Variants in MAGI2 observed in about 807,000 individuals in gnomAD.
MAGI2 encodes the protein membrane-associated guanylate kinase, WW and PDZ domain-containing protein 2.
In MAGI2, 35 loss-of-function variants were observed where a neutral mutation model predicts 133.3. The ratio of observed to expected loss-of-function variants is 0.26; its 90% CI spans 0.20 to 0.35. The LOEUF is 0.35. Ranked by LOEUF, MAGI2 falls within the 10% of genes least tolerant of loss-of-function variation. The pLI is 1.00. For synonymous variants in MAGI2, 729 were observed against 710.6 expected (o/e 1.03, Z -0.41); for missense variants, 1,636 against 1,863.4 (o/e 0.88, Z 2.25).
intron 2 of MAGI2, among the ~76,000 whole-genome samples, chr7:78,755,210 C>CT (rs34776006): frequency 3.3e-5 from 5 of 152,086 alleles, no homozygotes; most frequent in Non-Finnish European, 5.9e-5. Flanking sequence ...TCAAGAATAA[C>CT]TTTTTGTAAG....
intron 2 of MAGI2, among the ~76,000 whole-genome samples, chr7:78,678,966 A>G (rs963995324): frequency 6.6e-6 from 1 of 152,186 alleles, no homozygotes; most frequent in African/African-American, 2.4e-5. Context: ...CCAAGTGAGC[A>G]ATTTATCTGA....
At chr7:78,672,056 G>A (rs1321909034) in intron 2 of MAGI2, among the ~76,000 whole-genome samples, 4 of 152,168 alleles carry the variant, frequency 2.6e-5, no homozygotes, top group African/African-American at 9.6e-5. Context: ...TCCCTCTATA[G>A]AAATGTTCAT....
At chr7:78,566,533 T>TA (rs67057557) in intron 3 of MAGI2, among the ~76,000 whole-genome samples, 69,223 of 137,036 alleles carry the variant, frequency 0.51, 17,519 homozygotes, top group East Asian at 0.74. Flanking sequence ...AGACACAGTT[T>TA]AAAAAAAAAA....
intron 4 of MAGI2, among the ~76,000 whole-genome samples, chr7:78,503,275 T>C (rs901258214): frequency 2.6e-5 from 4 of 152,034 alleles, no homozygotes; most frequent in African/African-American, 9.7e-5. Context: ...AGGGCAAAAT[T>C]TGAAAAATTA....
chr7:78,577,774 T>G (rs1802419604), intron 3 of MAGI2, among the ~76,000 whole-genome samples: 1 of 152,112 alleles, frequency 6.6e-6, no homozygotes, highest in Non-Finnish European at 1.5e-5. Flanking sequence ...CCATTCTCAC[T>G]TCTTTTGTGG....
At chr7:78,163,401 A>C in intron 15 of MAGI2, among the ~76,000 whole-genome samples, 1 of 152,088 alleles carries the variant, frequency 6.6e-6, no homozygotes, top group Admixed American at 6.5e-5. Context: ...GGCCTCCCAA[A>C]GTGCTGGGAT....
intron 2 of MAGI2, among the ~76,000 whole-genome samples, chr7:78,686,426 C>G (rs1816323532): frequency 6.6e-6 from 1 of 152,092 alleles, no homozygotes; most frequent in African/African-American, 2.4e-5. Flanking sequence ...TTAATATTAG[C>G]AGGGGAAACC....
chr7:78,989,294 T>G (rs936455684), intron 2 of MAGI2, among the ~76,000 whole-genome samples: 1 of 152,080 alleles, frequency 6.6e-6, no homozygotes, highest in African/African-American at 2.4e-5. Flanking sequence ...ATACTTTTAT[T>G]ACAGAAATAT....
chr7:79,062,046 C>T (rs554204554), intron 1 of MAGI2, among the ~76,000 whole-genome samples: 1 of 152,024 alleles, frequency 6.6e-6, no homozygotes, highest in Admixed American at 6.6e-5. Flanking sequence ...AATGATAAGT[C>T]CTTTCTTCCT....
At chr7:79,278,374 C>A (rs904115304) in intron 1 of MAGI2, among the ~76,000 whole-genome samples, 3 of 152,116 alleles carry the variant, frequency 2.0e-5, no homozygotes, top group African/African-American at 7.2e-5. Context: ...TTATAAATTA[C>A]CCAGTTTCAG....
Position 78,501,709 on chromosome 7 carries a change from C to T in MAGI2, c.833G>A (p.Ser278Asn), listed in dbSNP as rs1215761725. The part of the protein sequence containing the change: ...PSQPYPAPVY[S>N]QPEELKEQMD... The stretch of plus-strand genomic sequence containing the variant: ...CTGCTCCTTCAGCTCCTCAGGCTGA[C>T]TGTACACTGGTGCAGGATAAGGCTG... The change falls in exon 5 of 22, where the codon AGT (serine) becomes AAT (asparagine). Residue 278 changes from serine (S) to asparagine (N), a missense_variant. Physicochemically the swap from Ser to Asn is conservative, Grantham distance 46 (BLOSUM62 1). Around this residue, in one of 5 missense-constraint regions of MAGI2, gnomAD observed 165 missense variants for 128.4 expected, o/e 1.28. Coordinates refer to ENST00000354212, the MANE Select transcript of MAGI2 (RefSeq NM_012301.4). 6.2e-7 allele frequency: 1 copy of T among 1,614,100 alleles called. No individual in the cohort carries two copies. Among genetic ancestry groups the T allele is most frequent in the Non-Finnish European group, 8.5e-7 (1 of 1,180,016 alleles).
At chr7:79,378,947 T>TTA (rs1843579559) in intron 1 of MAGI2, among the ~76,000 whole-genome samples, 1 of 59,202 alleles carries the variant, frequency 1.7e-5, no homozygotes, top group Admixed American at 1.7e-4. Context: ...TATATATATA[T>TTA]ATATATATAT....
At chr7:78,152,019 A>G (rs1341146189) in intron 16 of MAGI2, among the ~76,000 whole-genome samples, 2 of 152,068 alleles carry the variant, frequency 1.3e-5, no homozygotes, top group Admixed American at 6.6e-5. Context: ...CCCTTAAGCA[A>G]CTCACAACTT....
At chr7:78,437,586 C>CA (rs1787170396) in intron 6 of MAGI2, among the ~76,000 whole-genome samples, 1 of 152,082 alleles carries the variant, frequency 6.6e-6, no homozygotes, top group African/African-American at 2.4e-5. Context: ...AGATGGGAGT[C>CA]AAGGGTATAT....
At chr7:79,214,115 TA>T (rs1829750250) in intron 1 of MAGI2, among the ~76,000 whole-genome samples, 1 of 151,878 alleles carries the variant, frequency 6.6e-6, no homozygotes, top group African/African-American at 2.4e-5. Context: ...GTAAACGTTT[TA>T]TGAAGAAACT....
rs150503505 is a variant in MAGI2 at position 79,006,250 on chromosome 7, C to T, written c.418+840G>A. On this transcript the variant is annotated intron_variant, in intron 2 of 21. Coordinates refer to ENST00000354212, the MANE Select transcript of MAGI2 (RefSeq NM_012301.4). ...TTTATTTAATGTTATCCTTTCAGGA[C>T]TCATAGCTTTGAATTTATTTAGAAC... 2.6e-3 allele frequency among the ~76,000 whole-genome samples: 398 copies of T among 152,132 alleles called. 2 individuals carry two copies. The highest frequency in any genetic ancestry group is 9.0e-3 in the African/African-American group (375 of 41,500).
At chr7:78,794,993 G>A (rs574764463) in intron 2 of MAGI2, among the ~76,000 whole-genome samples, 1 of 152,236 alleles carries the variant, frequency 6.6e-6, no homozygotes, top group East Asian at 1.9e-4. Flanking sequence ...GAGCAGCTGA[G>A]ATTACAGGCA....
At chr7:78,465,041 A>T (rs1790475516) in intron 6 of MAGI2, among the ~76,000 whole-genome samples, 1 of 152,208 alleles carries the variant, frequency 6.6e-6, no homozygotes. Flanking sequence ...GTTACCTATT[A>T]TGACATATGC....
intron 2 of MAGI2, among the ~76,000 whole-genome samples, chr7:78,938,814 C>T (rs1042725401): frequency 2.6e-5 from 4 of 152,146 alleles, no homozygotes; most frequent in Non-Finnish European, 4.4e-5. Context: ...AGGACATTGT[C>T]TTTGCCTTTA....
Sources: gnomAD v4.1 joint callset for allele counts (sites outside exome capture counted in the v4.1 genomes callset) on GRCh38, gnomAD v4.1.1 for gene constraint, gnomAD v4.1.1 regional missense constraint, MANE v1.5 for transcripts, NCBI Gene and HGNC (gene_info 2026-07-23, HGNC 2026-07-21) for gene names.